The following CHL1 variants were observed in gnomAD, a reference collection of about 807,000 sequenced individuals.
The protein encoded by CHL1 is neural cell adhesion molecule L1-like protein.
A neutral mutation model predicts 141.9 loss-of-function variants in CHL1; 96 were observed. That is an observed-to-expected ratio of 0.68 (90% confidence interval 0.57 to 0.80). CHL1 has a LOEUF of 0.80. Ranked by LOEUF, CHL1 falls within the 30% of genes least tolerant of loss-of-function variation. The pLI, the probability that CHL1 is intolerant of heterozygous loss-of-function variation, is 0.00. For missense variants in CHL1, 1,820 were observed against 1,457.2 expected, an observed-to-expected ratio of 1.25 and a Z score of -4.05; for synonymous variants, 613 against 502.2, an observed-to-expected ratio of 1.22 and a Z score of -2.95.
chr3:356,904 G>T (rs1346762501), intron 11 of CHL1, among the ~76,000 whole-genome samples: 1 of 152,172 alleles, frequency 6.6e-6, no homozygotes, highest in Non-Finnish European at 1.5e-5. Flanking sequence ...GCAGAAGAGT[G>T]ACACAATCTA....
chr3:331,786 C>G (rs1327620281), intron 5 of CHL1, among the ~76,000 whole-genome samples: 2 of 152,072 alleles, frequency 1.3e-5, no homozygotes, highest in African/African-American at 4.8e-5. Context: ...CATATATAAA[C>G]TTGAACCTCA....
At chr3:308,394 C>G (rs1293102465) in intron 2 of CHL1, among the ~76,000 whole-genome samples, 1 of 151,810 alleles carries the variant, frequency 6.6e-6, no homozygotes, top group African/African-American at 2.4e-5. Flanking sequence ...AATTGTGAGC[C>G]CTTGTTTATT....
intron 23 of CHL1, among the ~76,000 whole-genome samples, chr3:392,694 C>T (rs550902741): frequency 6.6e-6 from 1 of 152,306 alleles, no homozygotes; most frequent in East Asian, 1.9e-4. Context: ...TGATCATAGT[C>T]CTGTTGTGCT....
Position 341,882 on chromosome 3 carries a change from C to G in CHL1, c.509-30C>G, listed in dbSNP as rs760512472. On this transcript the variant is annotated intron_variant, in intron 6 of 27. Transcript: ENST00000256509. ...ATGAAGCACAGTAAGGGACAATTGC[C>G]CTTTTCAATGGCAAGATATCTCTTT... 5 of 1,530,768 alleles carry G rather than the reference C, an allele frequency of 3.3e-6. No homozygotes were observed. In the African/African-American group the frequency reaches 4.1e-5, roughly 13 times the overall value. 94.8% of individuals were successfully genotyped at this position (1,530,768 alleles called of 1,614,324 possible).
intron 2 of CHL1, among the ~76,000 whole-genome samples, chr3:263,059 A>C (rs1350017564): frequency 6.6e-6 from 1 of 152,244 alleles, no homozygotes; most frequent in Non-Finnish European, 1.5e-5. Flanking sequence ...TTCAAGTGCT[A>C]TGCAAAGTGA....
rs143216707 is a variant in CHL1, at chr3:305,361, T to C, written c.-94-14322T>C. Among the ~76,000 whole-genome samples, 506 of 152,220 alleles carry C rather than the reference T, an allele frequency of 3.3e-3. 1 individual carries two copies. The highest frequency in any genetic ancestry group is 0.011 in the African/African-American group (474 of 41,570). On this transcript the variant is annotated intron_variant, in intron 2 of 27. Transcript: ENST00000256509. ...GAAAACTTTTCTAGAGTAGAGTGAA[T>C]GCTTAAAAATATAATATATATCCAA...
At chr3:256,767 G>A (rs1362111279) in intron 2 of CHL1, among the ~76,000 whole-genome samples, 2 of 152,196 alleles carry the variant, frequency 1.3e-5, no homozygotes, top group African/African-American at 4.8e-5. Flanking sequence ...TTTTGGTATT[G>A]TATTTCTGGC....
intron 1 of CHL1, among the ~76,000 whole-genome samples, chr3:213,975 T>A: frequency 6.6e-6 from 1 of 152,178 alleles, no homozygotes; most frequent in Admixed American, 6.5e-5. Context: ...CCCTCCCTAA[T>A]TTGAGTCAGG....
At chr3:318,084 T>A (rs1002900410) in intron 2 of CHL1, among the ~76,000 whole-genome samples, 36 of 151,936 alleles carry the variant, frequency 2.4e-4, no homozygotes, top group East Asian at 1.4e-3. Flanking sequence ...GATTCACAAC[T>A]TTTTTGGAGG....
intron 2 of CHL1, among the ~76,000 whole-genome samples, chr3:303,714 A>G (rs1698967214): frequency 6.6e-6 from 1 of 152,026 alleles, no homozygotes; most frequent in African/African-American, 2.4e-5. Flanking sequence ...AATACACTTT[A>G]TTTCTTTCTC....
At chr3:383,043 A>T (rs923561731) in intron 18 of CHL1, among the ~76,000 whole-genome samples, 4 of 152,170 alleles carry the variant, frequency 2.6e-5, no homozygotes, top group African/African-American at 9.7e-5. Flanking sequence ...TCTCAACATC[A>T]ATCTAAATTT....
chr3:405,613 G>A lies in CHL1; in HGVS notation c.3577G>A (p.Glu1193Lys). 6.2e-7 allele frequency: 1 copy of A among 1,613,506 alleles called. No homozygotes were observed. The change falls in exon 28 of 28, where the codon GAA becomes AAA. Residue 1193 changes from glutamate to lysine, a missense_variant. Transcript: ENST00000256509. ...AGAGGGAGACCATGGTCTCTTCAGTGAAGATGGATCATTTATTGGTGCCTA... is the reference window on the plus strand; with the variant it reads ...AGAGGGAGACCATGGTCTCTTCAGTAAAGATGGATCATTTATTGGTGCCTA... Reference protein sequence around the residue: ...YGEGDHGLFSEDGSFIGAYAG... With the variant: ...YGEGDHGLFSKDGSFIGAYAG...
intron 1 of CHL1, among the ~76,000 whole-genome samples, chr3:223,112 T>A (rs993721982): frequency 5.3e-5 from 8 of 152,188 alleles, no homozygotes; most frequent in Non-Finnish European, 1.2e-4. Flanking sequence ...TAAGGTAATA[T>A]TCTCAGGTCC....
intron 2 of CHL1, among the ~76,000 whole-genome samples, chr3:273,030 G>A (rs113398948): frequency 1.5e-4 from 23 of 152,280 alleles, no homozygotes; most frequent in African/African-American, 4.8e-4. Flanking sequence ...TTTCTGAAGC[G>A]GTGCCTTTGA....
chr3:360,381 T>A lies in CHL1; in HGVS notation c.1263T>A (p.Asn421Lys). Residue 421 changes from asparagine to lysine, a missense_variant, in exon 12 of 28, where the codon AAT becomes AAA. Physicochemically the swap from Asn to Lys is moderately conservative, Grantham distance 94. Coordinates refer to ENST00000256509, the MANE Select transcript of CHL1 (RefSeq NM_006614.4). ...HTAVYQCEAS[N>K]VHGTILANAN... is the part of the protein sequence containing the mutation. ...CTGTGTACCAGTGTGAAGCCTCAAA[T>A]GTCCATGGAACTATCCTTGCCAATG... The A allele has an allele frequency of 6.2e-7, 1 of 1,613,892 alleles. No individual in the cohort carries two copies. Among genetic ancestry groups the A allele is most frequent in the Non-Finnish European group, 8.5e-7 (1 of 1,179,864 alleles).
At position 408,506 on chromosome 3, in the gene CHL1, G is replaced by C. The variant is rs1709669736; in HGVS notation, c.*2795G>C. 6.6e-6 allele frequency: 1 copy of C among 151,868 alleles called. No homozygotes were observed. The highest frequency in any genetic ancestry group is 2.4e-5 in the African/African-American group (1 of 41,342). 9.4% of individuals were successfully genotyped at this position (151,868 alleles called of 1,614,324 possible). The stretch of plus-strand genomic sequence containing the variant: ...CTCAGTTACCTTATCTTTGTCACAG[G>C]GTGTTCTTTTTTATGAAGAAAAATT... On this transcript the variant is annotated 3_prime_UTR_variant, in exon 28 of 28. Coordinates refer to ENST00000256509, the MANE Select transcript of CHL1 (RefSeq NM_006614.4).
chr3:349,295 G>T (rs1273860867), intron 9 of CHL1, 64 bp from the exon 10 acceptor site: 2 of 1,393,760 alleles, frequency 1.4e-6, no homozygotes, highest in Non-Finnish European at 2.0e-6. Flanking sequence ...GTGTCCTAAG[G>T]TTTTCTTTGT....
chr3:296,342 T>C (rs1698183619), intron 2 of CHL1, among the ~76,000 whole-genome samples: 1 of 152,212 alleles, frequency 6.6e-6, no homozygotes, highest in Admixed American at 6.5e-5. Context: ...GAATTTACTA[T>C]TTTATATACC....
rs151113181 is a variant in CHL1, at chr3:365,967, G to C, written c.1603G>C (p.Val535Leu). 72 of 1,612,920 alleles carry C rather than the reference G, an allele frequency of 4.5e-5. No homozygotes were observed. In the African/African-American group the frequency reaches 7.9e-4, roughly 18 times the overall value. Residue 535 changes from valine to leucine, a missense_variant, in exon 15 of 28, where the codon GTT becomes CTT. Physicochemically the swap from Val to Leu is conservative, Grantham distance 32. Coordinates refer to ENST00000256509, the MANE Select transcript of CHL1 (RefSeq NM_006614.4). The stretch of plus-strand genomic sequence containing the variant: ...AAAAACAGATGCTACAAAACTTAGA[G>C]TTTCTCCTAAGAATCCTCGTATCCC... ...LDIRNATKLRVSPKNPRIPKL... is the reference protein window; with the variant it reads ...LDIRNATKLRLSPKNPRIPKL...
Sources: allele counts gnomAD v4.1 joint callset (sites outside exome capture counted in the v4.1 genomes callset), GRCh38; gene constraint gnomAD v4.1.1; transcripts MANE v1.5; gene names NCBI Gene and HGNC (gene_info 2026-07-23, HGNC 2026-07-21).